LRRTM4: variants seen among roughly 807,000 people sequenced by gnomAD.
LRRTM4 encodes leucine-rich repeat transmembrane neuronal protein 4.
In LRRTM4, 25 loss-of-function variants were observed where a neutral mutation model predicts 47.6. That is an observed-to-expected ratio of 0.53 (90% CI 0.38 to 0.73). LRRTM4 has a LOEUF of 0.73. LRRTM4 is among the 30% of genes least tolerant of loss of function. LRRTM4 has a pLI of 0.00. For synonymous variants in LRRTM4, 311 were observed against 269.5 expected (o/e 1.15, Z -1.51); for missense variants, 638 against 713.4 (o/e 0.89, Z 1.20).
intron 3 of LRRTM4, among the ~76,000 whole-genome samples, chr2:76,922,545 C>T (rs914898111): frequency 6.6e-6 from 1 of 152,030 alleles, no homozygotes; most frequent in African/African-American, 2.4e-5. Context: ...GGCACAGAGC[C>T]AAACCATATC....
intron 3 of LRRTM4, among the ~76,000 whole-genome samples, chr2:76,929,240 GT>G (rs1171174043): frequency 6.6e-6 from 1 of 150,910 alleles, no homozygotes; most frequent in Non-Finnish European, 1.5e-5. Flanking sequence ...TGTTTGCTTT[GT>G]TTTGTTTCTT....
At chr2:76,847,488 A>G (rs772978434) in intron 3 of LRRTM4, among the ~76,000 whole-genome samples, 2 of 151,956 alleles carry the variant, frequency 1.3e-5, no homozygotes, top group Non-Finnish European at 2.9e-5. Flanking sequence ...GTTTTCTCCT[A>G]TTAGTTTACT....
chr2:77,289,477 A>T (rs183233546), intron 3 of LRRTM4, among the ~76,000 whole-genome samples: 20 of 152,178 alleles, frequency 1.3e-4, no homozygotes, highest in Admixed American at 8.5e-4. Flanking sequence ...CATAACCCTG[A>T]TTAACATTTA....
intron 3 of LRRTM4, among the ~76,000 whole-genome samples, chr2:76,757,199 T>C (rs1157651877): frequency 6.6e-6 from 1 of 152,134 alleles, no homozygotes; most frequent in South Asian, 2.1e-4. Context: ...GATTGGACTA[T>C]TGGGACAATT....
At chr2:77,462,522 A>G (rs191285096) in intron 3 of LRRTM4, among the ~76,000 whole-genome samples, 97 of 152,182 alleles carry the variant, frequency 6.4e-4, no homozygotes, top group Non-Finnish European at 1.2e-3. Flanking sequence ...CCAATCAGTT[A>G]ATAAACCTCC....
At chr2:76,952,770 GC>G (rs1675537762) in intron 3 of LRRTM4, among the ~76,000 whole-genome samples, 1 of 151,830 alleles carries the variant, frequency 6.6e-6, no homozygotes, top group Non-Finnish European at 1.5e-5. Flanking sequence ...ATTCACAATA[GC>G]AAAAACATGG....
chr2:76,748,980 T>C, intron 3 of LRRTM4, 64 bp from the exon 4 acceptor site: 6 of 1,326,404 alleles, frequency 4.5e-6, no homozygotes, highest in Non-Finnish European at 6.4e-6. Flanking sequence ...AGGACAGCAC[T>C]CATCAGGTTG....
chr2:76,907,448 C>G (rs1673885197), intron 3 of LRRTM4, among the ~76,000 whole-genome samples: 2 of 148,684 alleles, frequency 1.3e-5, no homozygotes, highest in South Asian at 4.3e-4. Context: ...AAAGCAAGAG[C>G]AAACACATTC....
At chr2:77,495,067 G>T (rs1678308680) in intron 3 of LRRTM4, among the ~76,000 whole-genome samples, 1 of 152,012 alleles carries the variant, frequency 6.6e-6, no homozygotes, top group Non-Finnish European at 1.5e-5. Flanking sequence ...GATTTGGATT[G>T]TTTCCAGTAG....
chr2:76,792,271 A>G (rs957163149), intron 3 of LRRTM4, among the ~76,000 whole-genome samples: 1 of 152,098 alleles, frequency 6.6e-6, no homozygotes, highest in Non-Finnish European at 1.5e-5. Flanking sequence ...CATTAAAAAA[A>G]CCTTCACTGT....
At chr2:77,439,830 T>C (rs1675761998) in intron 3 of LRRTM4, among the ~76,000 whole-genome samples, 1 of 152,112 alleles carries the variant, frequency 6.6e-6, no homozygotes, top group African/African-American at 2.4e-5. Flanking sequence ...AACAAAACTA[T>C]GTAAACGGCA....
chr2:76,773,660 T>C (rs1027069106), intron 3 of LRRTM4, among the ~76,000 whole-genome samples: 3 of 151,648 alleles, frequency 2.0e-5, no homozygotes, highest in African/African-American at 7.2e-5. Flanking sequence ...CTTAAATTAA[T>C]TTAAAAATAA....
At chr2:77,337,841 C>A (rs1573275361) in intron 3 of LRRTM4, among the ~76,000 whole-genome samples, 2 of 152,146 alleles carry the variant, frequency 1.3e-5, no homozygotes, top group Admixed American at 1.3e-4. Flanking sequence ...ATCACTTTAC[C>A]TGACTTCAAA....
chr2:77,116,663 G>A (rs964887812), intron 3 of LRRTM4, among the ~76,000 whole-genome samples: 7 of 152,206 alleles, frequency 4.6e-5, no homozygotes, highest in Admixed American at 4.6e-4. Flanking sequence ...TCCAGAGCCT[G>A]ACAAGATTCA....
intron 3 of LRRTM4, among the ~76,000 whole-genome samples, chr2:76,837,638 C>T (rs1363634921): frequency 9.2e-5 from 14 of 152,172 alleles, no homozygotes; most frequent in East Asian, 3.9e-4. Flanking sequence ...CATGCACACG[C>T]ATGTTTATTG....
In LRRTM4 at chr2:76,978,351, G is replaced by A. The variant is rs188301777; in HGVS notation, c.1552-229435C>T. On this transcript the variant is annotated intron_variant, in intron 3 of 3. Transcript: ENST00000409884. ...GAATGAAAGCACATGCTTGGCTTAA[G>A]TTGAAGGATTTTATTGCTTAGTTAT... 6.6e-5 allele frequency among the ~76,000 whole-genome samples: 10 copies of A among 152,172 alleles called. No individual in the cohort carries two copies. In the East Asian group the frequency reaches 1.7e-3, roughly 27 times the overall value.
intron 3 of LRRTM4, among the ~76,000 whole-genome samples, chr2:77,470,713 T>C (rs1398404364): frequency 5.9e-5 from 9 of 152,106 alleles, no homozygotes; most frequent in Admixed American, 5.9e-4. Flanking sequence ...TTTGCTTTTG[T>C]AGTGAGAGAA....
intron 3 of LRRTM4, among the ~76,000 whole-genome samples, chr2:77,118,961 G>A (rs1489971439): frequency 1.3e-5 from 2 of 151,804 alleles, no homozygotes; most frequent in East Asian, 3.9e-4. Context: ...TCCAAAGCTA[G>A]CCAGGCATGG....
chr2:77,250,545 T>A (rs1277111495), intron 3 of LRRTM4, among the ~76,000 whole-genome samples: 11 of 152,214 alleles, frequency 7.2e-5, no homozygotes, highest in Non-Finnish European at 1.0e-4. Context: ...AATCATATAC[T>A]AATTTATATG....
Sources: allele counts gnomAD v4.1 joint callset (sites outside exome capture counted in the v4.1 genomes callset), GRCh38; gene constraint gnomAD v4.1.1; transcripts MANE v1.5; gene names NCBI Gene and HGNC (gene_info 2026-07-23, HGNC 2026-07-21).